The following ERC2 variants were observed in gnomAD, a reference collection of about 807,000 sequenced individuals.
The protein encoded by ERC2 is ERC protein 2.
ERC2 carries 42 observed loss-of-function variants against 114.8 expected under a neutral mutation model. The observed-to-expected ratio is 0.37, with a 90% confidence interval of 0.29 to 0.47. The LOEUF (loss-of-function observed/expected upper bound fraction) is 0.47, where lower values mean the gene tolerates loss of function less well. Among genes scored for constraint, ERC2 ranks in the 20% least tolerant of loss-of-function variants. The pLI is 0.99. For missense variants in ERC2, 939 were observed against 1,150.7 expected, an observed-to-expected ratio of 0.82 and a Z score of 2.66; for synonymous variants, 454 against 425.5, an observed-to-expected ratio of 1.07 and a Z score of -0.82.
At chr3:56,027,821 T>G (rs886440897) in intron 7 of ERC2, among the ~76,000 whole-genome samples, 4 of 152,196 alleles carry the variant, frequency 2.6e-5, no homozygotes, top group African/African-American at 9.6e-5. Context: ...TTATCAGTCT[T>G]TCCTTTCATG....
At chr3:56,420,513 C>T (rs1329704505) in intron 2 of ERC2, among the ~76,000 whole-genome samples, 4 of 151,902 alleles carry the variant, frequency 2.6e-5, no homozygotes, top group African/African-American at 9.7e-5. Context: ...CAAATTATTA[C>T]TTACTTCTAA....
Position 55,599,177 on chromosome 3 carries a change from G to A in ERC2, c.*39+84617C>T, listed in dbSNP as rs115840031. Among the ~76,000 whole-genome samples, 585 of 152,286 alleles carry A rather than the reference G, an allele frequency of 3.8e-3. 2 individuals carry two copies. The highest frequency in any genetic ancestry group is 5.8e-3 in the Non-Finnish European group (393 of 68,032). Reference sequence around the variant, plus strand: ...CTAATAACTATAACCTCCCCTGTGTGCCAGAAGAAGCCTGACACCTTGGGA... The same window carrying A: ...CTAATAACTATAACCTCCCCTGTGTACCAGAAGAAGCCTGACACCTTGGGA... On this transcript the variant is annotated intron_variant, in intron 17 of 17. Transcript: ENST00000288221.
At chr3:56,128,007 C>T (rs1009069298) in intron 6 of ERC2, among the ~76,000 whole-genome samples, 5 of 151,970 alleles carry the variant, frequency 3.3e-5, no homozygotes, top group Admixed American at 2.0e-4. Flanking sequence ...TCCCCGGAGG[C>T]GGAGGTTGCA....
chr3:55,554,881 C>G (rs992248531), intron 17 of ERC2, among the ~76,000 whole-genome samples: 1 of 152,178 alleles, frequency 6.6e-6, no homozygotes, highest in Non-Finnish European at 1.5e-5. Context: ...TGCAGCTGCT[C>G]TGCCCGCTAA....
intron 17 of ERC2, among the ~76,000 whole-genome samples, chr3:55,539,401 CTCTT>C (rs1465673541): frequency 3.9e-5 from 4 of 102,664 alleles, no homozygotes; most frequent in African/African-American, 1.2e-4. Context: ...CTCTCTCTCT[CTCTT>C]TTTTTCTTTC....
chr3:55,649,023 A>G (rs2060504712), intron 17 of ERC2, among the ~76,000 whole-genome samples: 1 of 152,144 alleles, frequency 6.6e-6, no homozygotes, highest in African/African-American at 2.4e-5. Context: ...CCCCCATCTC[A>G]GAACCTGGGG....
intron 1 of ERC2, among the ~76,000 whole-genome samples, chr3:56,449,125 T>G (rs1055323918): frequency 6.6e-6 from 1 of 151,102 alleles, no homozygotes; most frequent in Non-Finnish European, 1.5e-5. Context: ...AGGTAGTAGT[T>G]TGCTGACACC....
At chr3:56,419,187 C>G (rs147215544) in intron 2 of ERC2, among the ~76,000 whole-genome samples, 1 of 151,660 alleles carries the variant, frequency 6.6e-6, no homozygotes, top group Admixed American at 6.6e-5. Context: ...ATGATAGGTA[C>G]GTAATTAACC....
intron 2 of ERC2, among the ~76,000 whole-genome samples, chr3:56,416,478 T>A (rs1206677104): frequency 6.6e-6 from 1 of 152,012 alleles, no homozygotes; most frequent in Admixed American, 6.6e-5. Flanking sequence ...CTAACCTCCT[T>A]GTGAGAAGAG....
chr3:55,899,002 A>G (rs2063982030), intron 13 of ERC2, among the ~76,000 whole-genome samples: 1 of 152,232 alleles, frequency 6.6e-6, no homozygotes, highest in African/African-American at 2.4e-5. Context: ...CGGCACTTCC[A>G]ATGTGTCTGG....
At position 55,742,614 on chromosome 3, in the gene ERC2, G is replaced by A. The variant is rs189634414; in HGVS notation, c.2565-7696C>T. Among the ~76,000 whole-genome samples the A allele has an allele frequency of 9.3e-4, 142 of 152,270 alleles. 1 individual carries two copies. Among genetic ancestry groups the A allele is most frequent in the Middle Eastern group, 3.4e-3 (1 of 294 alleles). ...TCATGTTCTAATCATATTGTGGGGG[G>A]AAAAAGTCCGCTCAATCAACTTTTC... On this transcript the variant is annotated intron_variant, in intron 14 of 17. Transcript: ENST00000288221.
intron 6 of ERC2, among the ~76,000 whole-genome samples, chr3:56,081,682 GT>G (rs202049678): frequency 4.1e-4 from 61 of 148,978 alleles, no homozygotes; most frequent in Admixed American, 5.3e-4. Flanking sequence ...GAAAATATAA[GT>G]TTTTTTTTTA....
At chr3:56,329,924 T>C (rs1182165695) in intron 2 of ERC2, among the ~76,000 whole-genome samples, 1 of 147,630 alleles carries the variant, frequency 6.8e-6, no homozygotes, top group Non-Finnish European at 1.5e-5. Flanking sequence ...GTGTTTCCAA[T>C]ATACATATAT....
intron 3 of ERC2, among the ~76,000 whole-genome samples, chr3:56,212,664 C>G (rs956976296): frequency 3.3e-5 from 5 of 152,112 alleles, no homozygotes; most frequent in African/African-American, 1.2e-4. Flanking sequence ...ACGTTTATAG[C>G]GGCACAATTT....
intron 3 of ERC2, among the ~76,000 whole-genome samples, chr3:56,185,692 G>T (rs1020787051): frequency 3.3e-5 from 5 of 152,128 alleles, no homozygotes; most frequent in Non-Finnish European, 5.9e-5. Flanking sequence ...TAAAAAAGAA[G>T]TCCACTTTCT....
At chr3:56,115,743 T>A (rs1352073413) in intron 6 of ERC2, among the ~76,000 whole-genome samples, 4 of 152,030 alleles carry the variant, frequency 2.6e-5, no homozygotes, top group African/African-American at 9.7e-5. Flanking sequence ...AACTAAGGAC[T>A]GGGAGAGACT....
chr3:55,794,406 C>T (rs1054402654), intron 14 of ERC2, among the ~76,000 whole-genome samples: 2 of 152,122 alleles, frequency 1.3e-5, no homozygotes, highest in Non-Finnish European at 2.9e-5. Context: ...ATTATTTCCT[C>T]AGGTTTTCAT....
At chr3:56,087,270 T>C (rs1294411569) in intron 6 of ERC2, among the ~76,000 whole-genome samples, 1 of 151,528 alleles carries the variant, frequency 6.6e-6, no homozygotes, top group Admixed American at 6.6e-5. Flanking sequence ...GTATAAAACA[T>C]AAAACATTTG....
intron 13 of ERC2, among the ~76,000 whole-genome samples, chr3:55,949,023 G>A (rs947492370): frequency 9.2e-5 from 14 of 152,140 alleles, no homozygotes; most frequent in African/African-American, 2.4e-4. Flanking sequence ...CTTGTTTTAC[G>A]GAATAATACA....
Sources: gnomAD v4.1 joint callset for allele counts (sites outside exome capture counted in the v4.1 genomes callset) on GRCh38, gnomAD v4.1.1 for gene constraint, MANE v1.5 for transcripts, NCBI Gene and HGNC (gene_info 2026-07-23, HGNC 2026-07-21) for gene names.